Variants in NTRK1 observed in about 807,000 individuals in gnomAD.
NTRK1 encodes neurotrophic receptor tyrosine kinase 1.
NTRK1 carries 62 observed loss-of-function variants against 86.8 expected under a neutral mutation model. The observed-to-expected ratio is 0.71, with a 90% CI of 0.58 to 0.88. The LOEUF (loss-of-function observed/expected upper bound fraction) is 0.88, where lower values mean the gene tolerates loss of function less well. NTRK1 is among the 40% of genes least tolerant of loss of function. The probability of loss-of-function intolerance (pLI) is 0.00; values close to 1 mark genes in which losing one functional copy is unlikely to be tolerated. For missense variants in NTRK1, 967 were observed against 1,078.4 expected (o/e 0.90, Z 1.45); for synonymous variants, 469 against 456.6 (o/e 1.03, Z -0.35).
chr1:156,871,932 T>C (rs1440796519), intron 7 of NTRK1, among the ~76,000 whole-genome samples, 177 bp downstream of exon 7: 1 of 152,158 alleles, frequency 6.6e-6, no homozygotes, highest in Non-Finnish European at 1.5e-5. Context: ...TCCTGGGGTC[T>C]TGTCAAGGCC....
chr1:156,875,364 T>C (rs1423577608), intron 11 of NTRK1, among the ~76,000 whole-genome samples, 156 bp from the exon 12 acceptor site: 10 of 151,550 alleles, frequency 6.6e-5, no homozygotes, highest in Non-Finnish European at 5.9e-5. Flanking sequence ...GGAGAGGCGG[T>C]GGTGCCCCCT....
intron 1 of NTRK1, among the ~76,000 whole-genome samples, chr1:156,831,074 G>A (rs963734921): frequency 9.2e-5 from 14 of 152,176 alleles, no homozygotes; most frequent in African/African-American, 3.4e-4. Flanking sequence ...GCTCCCAAAT[G>A]TCATCCTCTC....
chr1:156,849,148 A>G (rs1427821514), intron 2 of NTRK1: 6 of 1,593,296 alleles, frequency 3.8e-6, no homozygotes, highest in Non-Finnish European at 5.1e-6. Context: ...CTCTGAGGAG[A>G]ACTTCTCAGA....
chr1:156,831,611 G>T (rs551964321), intron 1 of NTRK1, among the ~76,000 whole-genome samples: 37 of 152,270 alleles, frequency 2.4e-4, no homozygotes, highest in African/African-American at 8.7e-4. Flanking sequence ...TTCCAGGACT[G>T]CTTGGAAGTC....
intron 1 of NTRK1, chr1:156,816,961 T>C (rs1257502929): frequency 1.0e-5 from 4 of 382,152 alleles, no homozygotes; most frequent in Non-Finnish European, 1.9e-5. Context: ...ACTCTGTGTT[T>C]AGGTGTTAGG....
intron 4 of NTRK1, 35 bp downstream of exon 4, chr1:156,867,013 AGT>A (rs762070215): frequency 1.9e-6 from 3 of 1,605,914 alleles, no homozygotes; most frequent in African/African-American, 1.3e-5. Context: ...AAGAGCACCA[AGT>A]GTGTGTGTGC....
Position 156,875,611 on chromosome 1 carries a change from A to G in NTRK1, c.1446A>G (p.Lys482=). 3 of 1,613,722 alleles carry G rather than the reference A, an allele frequency of 1.9e-6. No individual in the cohort carries two copies. Among genetic ancestry groups the G allele is most frequent in the Non-Finnish European group, 2.5e-6 (3 of 1,179,926 alleles). Reference sequence around the variant, plus strand: ...GCTCCCTGTCCCCCACCGAGGGCAAAGGCTCTGGGCTCCAAGGCCACATCA... The same window carrying G: ...GCTCCCTGTCCCCCACCGAGGGCAAGGGCTCTGGGCTCCAAGGCCACATCA... ...GGSSLSPTEG[K]GSGLQGHIIE... is the part of the protein sequence containing the mutation. The change falls in exon 12 of 17, where the codon AAA becomes AAG. Residue 482 remains lysine (K), a synonymous_variant. Transcript: ENST00000524377.
rs556803597 is a variant in NTRK1, at chr1:156,866,394, C to T, written c.360-516C>T. Among the ~76,000 whole-genome samples, 18 of 152,300 alleles carry T rather than the reference C, an allele frequency of 1.2e-4. No individual in the cohort carries two copies. The South Asian group carries it at 3.7e-3, about 32-fold the overall frequency. On this transcript the variant is annotated intron_variant, in intron 3 of 16. Coordinates refer to ENST00000524377, the MANE Select transcript of NTRK1 (RefSeq NM_002529.4). ...GGGGGTGTGGGGGTGTGGGTCCTTT[C>T]CTGCCTGACCTTTTAGTCCCTGAGG...
intron 1 of NTRK1, chr1:156,840,826 C>T (rs748572791): frequency 2.1e-6 from 3 of 1,445,518 alleles, no homozygotes; most frequent in African/African-American, 1.4e-5. Context: ...GAGGTCGGGT[C>T]CCTTCCTGTC....
At chr1:156,827,450 C>T (rs930523445) in intron 1 of NTRK1, among the ~76,000 whole-genome samples, 8 of 151,958 alleles carry the variant, frequency 5.3e-5, no homozygotes, top group African/African-American at 7.3e-5. Context: ...TTAGTAGAGA[C>T]GGGGTTTCAC....
chr1:156,848,938 G>A (rs777854414), intron 2 of NTRK1: 1 of 1,583,356 alleles, frequency 6.3e-7, no homozygotes, highest in South Asian at 1.2e-5. Context: ...TGTAGTACAC[G>A]ATGAAGCTGA....
chr1:156,860,933 C>A lies in NTRK1; in HGVS notation c.-2C>A. ...CGCCTGAGCGAGGCGGGCGCCGCCG[C>A]GATGCTGCGAGGCGGACGGCGCGGG... On this transcript the variant is annotated 5_prime_UTR_variant, in exon 1 of 17. Transcript: ENST00000524377. The A allele has an allele frequency of 1.4e-6, 2 of 1,461,862 alleles. No individual in the cohort carries two copies. Among genetic ancestry groups the A allele is most frequent in the South Asian group, 1.4e-5 (1 of 72,388 alleles). The allele number at this position is 1,461,862 out of a possible 1,614,324, so 90.6% of individuals were successfully genotyped here.
intron 13 of NTRK1, 60 bp from the exon 14 acceptor site, chr1:156,876,340 G>A (rs2102918703): frequency 6.2e-7 from 1 of 1,610,954 alleles, no homozygotes; most frequent in Non-Finnish European, 8.5e-7. Flanking sequence ...GGCTGCCCTG[G>A]GTGAACAGCA....
In NTRK1 at chr1:156,876,169, A is replaced by G. The variant is rs2102917650; in HGVS notation, c.1591A>G (p.Asn531Asp). The part of the protein sequence containing the change: ...FGKVFLAECH[N>D]LLPEQDKMLV... ...GAAGGTCTTCCTTGCTGAGTGCCAC[A>G]ACCTCCTGCCTGAGCAGGACAAGAT... Residue 531 changes from asparagine to aspartate, a missense_variant, in exon 13 of 17, where the codon AAC becomes GAC. By Grantham distance (23) the Asn-to-Asp change is conservative. Around this residue, in one of 2 missense-constraint regions of NTRK1, gnomAD observed 637 missense variants for 776.5 expected, o/e 0.82. Transcript: ENST00000524377. 6.2e-7 allele frequency: 1 copy of G among 1,614,160 alleles called. No homozygotes were observed. The highest frequency in any genetic ancestry group is 1.3e-5 in the African/African-American group (1 of 75,030).
intron 1 of NTRK1, among the ~76,000 whole-genome samples, chr1:156,825,457 A>G (rs1056064671): frequency 1.3e-5 from 2 of 152,230 alleles, no homozygotes; most frequent in Non-Finnish European, 2.9e-5. Context: ...TATAGCAAGA[A>G]TAATATGCAC....
At chr1:156,827,190 C>CT (rs35631562) in intron 1 of NTRK1, among the ~76,000 whole-genome samples, 123,599 of 151,784 alleles carry the variant, frequency 0.81, 50,528 homozygotes, top group African/African-American at 0.89. Context: ...GCAAGCAATC[C>CT]TCCACTTCAG....
At position 156,868,121 on chromosome 1, in the gene NTRK1, C is replaced by G. The variant is rs144609655; in HGVS notation, c.446C>G (p.Pro149Arg). Reference protein sequence around the residue: ...SLQELVLSGNPLHCSCALRWL... With the variant: ...SLQELVLSGNRLHCSCALRWL... ...CCCCCCAGGGTCCTGTCGGGGAACCCTCTGCACTGTTCTTGTGCCCTGCGC... is the reference window on the plus strand; with the variant it reads ...CCCCCCAGGGTCCTGTCGGGGAACCGTCTGCACTGTTCTTGTGCCCTGCGC... Residue 149 changes from proline (P) to arginine (R), a missense_variant, in exon 5 of 17, where the codon CCT (proline) becomes CGT (arginine). Pro to Arg is a moderately radical substitution (Grantham distance 103). Coordinates refer to ENST00000524377, the MANE Select transcript of NTRK1 (RefSeq NM_002529.4). 6.2e-7 allele frequency: 1 copy of G among 1,613,958 alleles called. No individual in the cohort carries two copies. The highest frequency in any genetic ancestry group is 1.7e-5 in the Admixed American group (1 of 60,038).
chr1:156,860,799 G>A (rs1465117529), upstream of NTRK1: 4 of 1,327,234 alleles, frequency 3.0e-6, no homozygotes, highest in East Asian at 6.2e-5. Context: ...GGGGCCGGGC[G>A]GGGGCCGCTG....
upstream of NTRK1, among the ~76,000 whole-genome samples, chr1:156,857,163 ATGTGTGTGTGTGTGTGTGTGTGTGTG>A (rs57324546): frequency 0.079 from 10,258 of 130,670 alleles, 396 homozygotes; most frequent in Admixed American, 0.11. Flanking sequence ...GCAGCTGTGT[ATGTGTGTGTGTGTGTGTGTGTGTGTG>A]TGTGTGTGTG....
Sources: allele counts gnomAD v4.1 joint callset (sites outside exome capture counted in the v4.1 genomes callset), GRCh38; gene constraint gnomAD v4.1.1; regional missense constraint gnomAD v4.1.1; transcripts MANE v1.5; gene names NCBI Gene and HGNC (gene_info 2026-07-23, HGNC 2026-07-21).